The following SNTB2 variants were observed in gnomAD, a reference collection of about 807,000 sequenced individuals.
The protein encoded by SNTB2 is syntrophin beta 2.
In SNTB2, 34 loss-of-function variants were observed where a neutral mutation model predicts 46.2. The observed-to-expected ratio is 0.74, with a 90% CI of 0.56 to 0.98. The LOEUF (loss-of-function observed/expected upper bound fraction) is 0.98. Ranked by LOEUF, SNTB2 falls within the 50% of genes least tolerant of loss-of-function variation. SNTB2 has a pLI of 0.00. For missense variants in SNTB2, 603 were observed against 731.4 expected (o/e 0.82, Z 2.02); for synonymous variants, 290 against 312.6 (o/e 0.93, Z 0.76).
chr16:69,288,769 C>T (rs1965130974), intron 5 of SNTB2, among the ~76,000 whole-genome samples: 1 of 151,946 alleles, frequency 6.6e-6, no homozygotes, highest in Non-Finnish European at 1.5e-5. Context: ...TTCACAATAA[C>T]AAAGATAGAG....
chr16:69,228,405 T>C (rs771205095), intron 1 of SNTB2, among the ~76,000 whole-genome samples: 22 of 149,528 alleles, frequency 1.5e-4, no homozygotes, highest in Non-Finnish European at 2.7e-4. Context: ...ACTTGGGAGG[T>C]TGAGGTGGGA....
intron 1 of SNTB2, among the ~76,000 whole-genome samples, chr16:69,210,414 T>C (rs1471543318): frequency 1.3e-5 from 2 of 151,940 alleles, no homozygotes; most frequent in Non-Finnish European, 2.9e-5. Flanking sequence ...ATTTTTTGTA[T>C]TTTAATAGAG....
At chr16:69,195,174 C>G (rs1296793833) in intron 1 of SNTB2, among the ~76,000 whole-genome samples, 1 of 152,110 alleles carries the variant, frequency 6.6e-6, no homozygotes, top group African/African-American at 2.4e-5. Context: ...ATATAGAGCT[C>G]AGGGGCAGCT....
In SNTB2 at chr16:69,304,765, A is replaced by G. The variant is rs1227179872; in HGVS notation, c.*3841A>G. ...TGCAGCCTCAACCTTCTGGGCTCAA[A>G]TGATCCTTTCACCTCAGCCTCCTGA... On this transcript the variant is annotated 3_prime_UTR_variant, in exon 7 of 7. Transcript: ENST00000336278. The G allele has an allele frequency of 6.6e-6, 1 of 151,960 alleles. No homozygotes were observed. Among genetic ancestry groups the G allele is most frequent in the Non-Finnish European group, 1.5e-5 (1 of 68,010 alleles). 9.4% of individuals were successfully genotyped at this position (151,960 alleles called of 1,614,324 possible). A position where few individuals can be genotyped will look rare whatever the true frequency, so the allele number is the denominator to read the frequency against.
At chr16:69,263,404 C>T (rs560845074) in intron 3 of SNTB2, among the ~76,000 whole-genome samples, 1 of 151,866 alleles carries the variant, frequency 6.6e-6, no homozygotes, top group African/African-American at 2.4e-5. Context: ...GCCACTGTGC[C>T]CAGCCTGGGT....
intron 5 of SNTB2, among the ~76,000 whole-genome samples, chr16:69,287,551 T>C (rs1965116097): frequency 6.6e-6 from 1 of 151,222 alleles, no homozygotes. Context: ...AGCTGGGAGA[T>C]AGAGTGAGAC....
intron 2 of SNTB2, among the ~76,000 whole-genome samples, chr16:69,254,531 G>A (rs2143071204): frequency 6.6e-6 from 1 of 152,120 alleles, no homozygotes. Flanking sequence ...AACCCCAAAA[G>A]CACAATCCAT....
chr16:69,251,399 C>T (rs1964724288), intron 2 of SNTB2, among the ~76,000 whole-genome samples: 1 of 144,994 alleles, frequency 6.9e-6, no homozygotes, highest in Non-Finnish European at 1.5e-5. Flanking sequence ...TTAAAGGCCT[C>T]AGAAACATTT....
Position 69,301,584 on chromosome 16 carries a change from T to G in SNTB2, c.*660T>G, listed in dbSNP as rs1407499347. Reference sequence around the variant, plus strand: ...AGGACTTAGAACTTGTAAATTTGATTTGCCTTGCCTTCTACTTCCTTTCTA... The same window carrying G: ...AGGACTTAGAACTTGTAAATTTGATGTGCCTTGCCTTCTACTTCCTTTCTA... On this transcript the variant is annotated 3_prime_UTR_variant, in exon 7 of 7. Transcript: ENST00000336278. The G allele has an allele frequency of 6.6e-6, 1 of 152,666 alleles. No homozygotes were observed. The highest frequency in any genetic ancestry group is 1.5e-5 in the Non-Finnish European group (1 of 68,042). 9.5% of individuals were successfully genotyped at this position (152,666 alleles called of 1,614,324 possible).
At chr16:69,204,698 T>A (rs891303859) in intron 1 of SNTB2, among the ~76,000 whole-genome samples, 1 of 152,198 alleles carries the variant, frequency 6.6e-6, no homozygotes, top group Non-Finnish European at 1.5e-5. Context: ...AGCAAGATAT[T>A]TTCAGTTGAT....
chr16:69,249,134 C>T (rs1422330405), intron 2 of SNTB2, among the ~76,000 whole-genome samples: 2 of 151,528 alleles, frequency 1.3e-5, no homozygotes, highest in African/African-American at 4.9e-5. Context: ...CAAGTAATTC[C>T]CCTGCTTCAG....
At chr16:69,236,687 AAGC>A (rs1043738371) in intron 1 of SNTB2, among the ~76,000 whole-genome samples, 40 of 151,844 alleles carry the variant, frequency 2.6e-4, no homozygotes, top group Admixed American at 2.2e-3. Context: ...AAAAAAAAAA[AAGC>A]AGCAGCAGCA....
intron 1 of SNTB2, among the ~76,000 whole-genome samples, chr16:69,243,899 T>C (rs1202823398): frequency 6.6e-6 from 1 of 152,208 alleles, no homozygotes; most frequent in African/African-American, 2.4e-5. Context: ...TTTTTTATTA[T>C]TATACTTAAT....
chr16:69,234,274 AGTAAGCCGTGGTT>A (rs1192797065), intron 1 of SNTB2, among the ~76,000 whole-genome samples: 1 of 152,204 alleles, frequency 6.6e-6, no homozygotes, highest in East Asian at 1.9e-4. Context: ...TTGAGGCTGT[AGTAAGCCGTGGTT>A]GTACCACTGG....
chr16:69,272,002 G>T (rs2143123345), intron 4 of SNTB2, among the ~76,000 whole-genome samples: 1 of 152,220 alleles, frequency 6.6e-6, no homozygotes, highest in South Asian at 2.1e-4. Context: ...AGATTTAAGA[G>T]CTAAAACTAT....
chr16:69,281,504 T>G lies in SNTB2; in HGVS notation c.1149-2544T>G, dbSNP rs188363281. Among the ~76,000 whole-genome samples, 611 of 151,766 alleles carry G rather than the reference T, an allele frequency of 4.0e-3. 4 individuals carry two copies. Among genetic ancestry groups the G allele is most frequent in the African/African-American group, 0.013 (541 of 41,438 alleles). On this transcript the variant is annotated intron_variant, in intron 4 of 6. Transcript: ENST00000336278. Reference sequence around the variant, plus strand: ...GGTCTGGTTTTTTTTTTTTTGTTTTTTTTTTTTTACATATGGATGTCTACT... The same window carrying G: ...GGTCTGGTTTTTTTTTTTTTGTTTTGTTTTTTTTACATATGGATGTCTACT...
At chr16:69,254,584 C>T (rs1964755241) in intron 2 of SNTB2, among the ~76,000 whole-genome samples, 1 of 152,148 alleles carries the variant, frequency 6.6e-6, no homozygotes, top group Non-Finnish European at 1.5e-5. Flanking sequence ...AAATTTAAAA[C>T]TTCAGCCCTG....
At position 69,305,826 on chromosome 16, in the gene SNTB2, T is replaced by G. The variant is rs1332935294; in HGVS notation, c.*4902T>G. 6.6e-6 allele frequency: 1 copy of G among 151,886 alleles called. No individual in the cohort carries two copies. The highest frequency in any genetic ancestry group is 1.5e-5 in the Non-Finnish European group (1 of 68,000). 9.4% of individuals were successfully genotyped at this position (151,886 alleles called of 1,614,324 possible). A position where few individuals can be genotyped will look rare whatever the true frequency, so the allele number is the denominator to read the frequency against. On this transcript the variant is annotated 3_prime_UTR_variant, in exon 7 of 7. Transcript: ENST00000336278. ...GTCTGCCATCTCCTGCTGTTCTTTC[T>G]CTGTGCCCCCTAATTGCTTGGTAAT...
chr16:69,216,191 T>C (rs1238364904), intron 1 of SNTB2, among the ~76,000 whole-genome samples: 1 of 152,220 alleles, frequency 6.6e-6, no homozygotes, highest in East Asian at 1.9e-4. Flanking sequence ...AAACACTTAC[T>C]GAGCTCCTGC....
Sources: allele counts gnomAD v4.1 joint callset (sites outside exome capture counted in the v4.1 genomes callset), GRCh38; gene constraint gnomAD v4.1.1; transcripts MANE v1.5; gene names NCBI Gene and HGNC (gene_info 2026-07-23, HGNC 2026-07-21).